The following EVC2 variants were observed in gnomAD, a reference collection of about 807,000 sequenced individuals.
The protein encoded by EVC2 is limbin.
Under a neutral mutation model 149.3 loss-of-function variants are expected in EVC2, and 148 were observed. The observed-to-expected ratio is 0.99, with a 90% CI of 0.87 to 1.14. The LOEUF is 1.14. EVC2 is among the 50% of genes most tolerant of loss of function. The pLI is 0.00. For synonymous variants in EVC2, 776 were observed against 649.9 expected, an observed-to-expected ratio of 1.19 and a Z score of -2.95; for missense variants, 1,854 against 1,627.3, an observed-to-expected ratio of 1.14 and a Z score of -2.40.
chr4:5,642,285 T>C (rs1717388990), intron 9 of EVC2, among the ~76,000 whole-genome samples: 1 of 152,216 alleles, frequency 6.6e-6, no homozygotes, highest in Admixed American at 6.5e-5. Context: ...TGAAGACATT[T>C]TGTCATATTT....
chr4:5,562,349 A>G (rs1404678651), downstream of EVC2: 1 of 741,430 alleles, frequency 1.3e-6, no homozygotes, highest in Non-Finnish European at 1.7e-6. The surrounding 1 kb of genome is among the most constrained non-coding windows in gnomAD (Gnocchi z 4.3). Flanking sequence ...GAATCTCTCT[A>G]TTGAACACCA....
intron 16 of EVC2, among the ~76,000 whole-genome samples, chr4:5,607,852 C>T (rs1714512666): frequency 6.6e-6 from 1 of 151,736 alleles, no homozygotes; most frequent in South Asian, 2.1e-4. Flanking sequence ...AATCACCACA[C>T]AAAACATTCC....
At chr4:5,599,968 C>T (rs187874311) in intron 16 of EVC2, among the ~76,000 whole-genome samples, 28 of 152,270 alleles carry the variant, frequency 1.8e-4, no homozygotes, top group African/African-American at 6.5e-4. Flanking sequence ...AAATTTTAGA[C>T]ACAGACAAAT....
chr4:5,630,571 C>T (rs930902484), intron 11 of EVC2, among the ~76,000 whole-genome samples: 2 of 152,144 alleles, frequency 1.3e-5, no homozygotes, highest in African/African-American at 4.8e-5. Flanking sequence ...GAATGATTTT[C>T]ATTTATAAAG....
chr4:5,627,571 G>A (rs1078758), intron 12 of EVC2, among the ~76,000 whole-genome samples: 48,576 of 151,960 alleles, frequency 0.32, 8,477 homozygotes, highest in East Asian at 0.6. Context: ...TAAGAAAGCC[G>A]CTTTATAGTC....
intron 21 of EVC2, among the ~76,000 whole-genome samples, chr4:5,555,599 T>C (rs551469027): frequency 6.6e-6 from 1 of 152,306 alleles, no homozygotes; most frequent in South Asian, 2.1e-4. Context: ...TTCATCACCA[T>C]ATATAAGCAT....
chr4:5,632,809 A>T (rs554465066), intron 10 of EVC2, among the ~76,000 whole-genome samples: 14 of 152,202 alleles, frequency 9.2e-5, no homozygotes, highest in African/African-American at 3.1e-4. Context: ...CTCAGTAAGG[A>T]GCTGAGATAT....
chr4:5,673,929 G>A (rs2151716571), intron 7 of EVC2, among the ~76,000 whole-genome samples: 1 of 152,278 alleles, frequency 6.6e-6, no homozygotes, highest in Non-Finnish European at 1.5e-5. Flanking sequence ...GGAGGGTGGT[G>A]GTAAGAAGAG....
intron 1 of EVC2, among the ~76,000 whole-genome samples, chr4:5,706,047 GCTC>G (rs1251596591): frequency 1.3e-5 from 2 of 152,184 alleles, no homozygotes; most frequent in East Asian, 3.9e-4. Flanking sequence ...AATATGCCAA[GCTC>G]CTCCTACATG....
At chr4:5,572,890 C>A (rs538255269) in intron 19 of EVC2, among the ~76,000 whole-genome samples, 131 of 152,238 alleles carry the variant, frequency 8.6e-4, no homozygotes, top group South Asian at 2.7e-3. Context: ...CCTTTACAGT[C>A]GGTCAGGAAG....
At chr4:5,596,747 C>CA (rs1305737013) in intron 16 of EVC2, among the ~76,000 whole-genome samples, 3 of 152,134 alleles carry the variant, frequency 2.0e-5, no homozygotes, top group South Asian at 2.1e-4. Flanking sequence ...AATAGAGACA[C>CA]AAAAAACCCT....
chr4:5,590,189 C>T (rs1712659406), intron 16 of EVC2, among the ~76,000 whole-genome samples: 1 of 152,078 alleles, frequency 6.6e-6, no homozygotes, highest in Non-Finnish European at 1.5e-5. Context: ...ACCCATACTG[C>T]AGAGGCCCTG....
chr4:5,581,538 T>C (rs2108784567), intron 17 of EVC2, among the ~76,000 whole-genome samples: 1 of 152,072 alleles, frequency 6.6e-6, no homozygotes, highest in East Asian at 1.9e-4. Context: ...AGAGTGATGA[T>C]TTAGGGTATC....
chr4:5,686,529 C>T lies in EVC2; in HGVS notation c.707-1050G>A, dbSNP rs151302194. 9.7e-4 allele frequency among the ~76,000 whole-genome samples: 147 copies of T among 152,276 alleles called. No homozygotes were observed. Among genetic ancestry groups the T allele is most frequent in the Admixed American group, 3.2e-3 (49 of 15,292 alleles). On this transcript the variant is annotated intron_variant, in intron 5 of 21. Transcript: ENST00000344408. This position sits in a 1 kb window ranked among gnomAD's most constrained non-coding sequence, Gnocchi z 5.4. ...TAACCCAGCTGATCTCCACACACTGCCCCGAGATGGATGGAGAACACGTGA... is the reference window on the plus strand; with the variant it reads ...TAACCCAGCTGATCTCCACACACTGTCCCGAGATGGATGGAGAACACGTGA...
chr4:5,570,623 G>T (rs114241505), intron 19 of EVC2, among the ~76,000 whole-genome samples: 1 of 152,152 alleles, frequency 6.6e-6, no homozygotes, highest in African/African-American at 2.4e-5. Context: ...ATTACCATTC[G>T]ATCCAGCAGT....
At chr4:5,619,920 C>T (rs1181590514) in intron 14 of EVC2, among the ~76,000 whole-genome samples, 3 of 152,180 alleles carry the variant, frequency 2.0e-5, no homozygotes, top group Admixed American at 6.5e-5. Context: ...CCAGCATTGA[C>T]CGATGCTTTA....
intron 16 of EVC2, among the ~76,000 whole-genome samples, chr4:5,609,876 G>A (rs923591872): frequency 6.6e-6 from 1 of 152,314 alleles, no homozygotes; most frequent in Non-Finnish European, 1.5e-5. Flanking sequence ...GAACCTGGGC[G>A]AAGTCACTAA....
chr4:5,563,219 AC>A, intron 21 of EVC2, 104 bp from the exon 22 acceptor site: 2 of 1,106,372 alleles, frequency 1.8e-6, no homozygotes, highest in Non-Finnish European at 2.7e-6. Context: ...GAATTCCCCA[AC>A]CCAGTGCCAT....
chr4:5,604,472 T>C (rs1714231721), intron 16 of EVC2, among the ~76,000 whole-genome samples: 2 of 152,138 alleles, frequency 1.3e-5, no homozygotes. Flanking sequence ...CATCACATGT[T>C]CATACTCATA....
Sources: allele counts gnomAD v4.1 joint callset (sites outside exome capture counted in the v4.1 genomes callset), GRCh38; gene constraint gnomAD v4.1.1; non-coding constraint Gnocchi (gnomAD v3.1); transcripts MANE v1.5; gene names NCBI Gene and HGNC (gene_info 2026-07-23, HGNC 2026-07-21).